SPRYD4: variants seen among roughly 807,000 people sequenced by gnomAD.
The protein encoded by SPRYD4 is SPRY domain containing 4.
SPRYD4 carries 12 observed loss-of-function variants against 16.6 expected under a neutral mutation model. The observed-to-expected ratio is 0.72, with a 90% CI of 0.46 to 1.17. SPRYD4 has a LOEUF of 1.17. Ranked by LOEUF, SPRYD4 falls within the 50% of genes most tolerant of loss-of-function variation. The pLI is 0.00. For synonymous variants in SPRYD4, 98 were observed against 105.4 expected, an observed-to-expected ratio of 0.93 and a Z score of 0.43; for missense variants, 260 against 260.2, an observed-to-expected ratio of 1.00 and a Z score of 0.00.
At chr12:56,468,906 C>T (rs1220190808) in intron 1 of SPRYD4, 133 bp from the exon 2 acceptor site, 36 of 1,255,480 alleles carry the variant, frequency 2.9e-5, no homozygotes, top group Non-Finnish European at 3.9e-5. Flanking sequence ...CCTCGCGACT[C>T]TCTTGCCCGC....
In SPRYD4 at chr12:56,474,483, C is replaced by CA; in HGVS notation, c.*4907dup. On this transcript the variant is annotated 3_prime_UTR_variant, in exon 2 of 2. Coordinates refer to ENST00000338146, the MANE Select transcript of SPRYD4 (RefSeq NM_207344.4). The stretch of plus-strand genomic sequence containing the variant: ...GCTTCCACCTCTATCTTGAGAGAGT[C>CA]AGTGTTCTCTCTTCTTAGCACTGGG... 6.3e-7 allele frequency: 1 copy of CA among 1,585,290 alleles called. No individual in the cohort carries two copies. The highest frequency in any genetic ancestry group is 8.6e-7 in the Non-Finnish European group (1 of 1,160,816).
rs1869724577 is a variant in SPRYD4 at position 56,475,504 on chromosome 12, A to G, written c.*5927A>G. On this transcript the variant is annotated 3_prime_UTR_variant, in exon 2 of 2. Transcript: ENST00000338146. The stretch of plus-strand genomic sequence containing the variant: ...GGGACTCAGAGGAAGCTGGAGGGCC[A>G]AAGTTCCCCTGGGATTTCTTCCTCC... The G allele has an allele frequency of 1.9e-6, 2 of 1,067,318 alleles. No individual in the cohort carries two copies. The highest frequency in any genetic ancestry group is 2.1e-4 in the Middle Eastern group (1 of 4,836). 66.1% of individuals were successfully genotyped at this position (1,067,318 alleles called of 1,614,324 possible). A position where few individuals can be genotyped will look rare whatever the true frequency, so the allele number is the denominator to read the frequency against.
rs919959958 is a variant in SPRYD4, at chr12:56,470,811, G to C, written c.*1234G>C. The C allele has an allele frequency of 2.0e-5, 3 of 151,914 alleles. No homozygotes were observed. The highest frequency in any genetic ancestry group is 4.4e-5 in the Non-Finnish European group (3 of 68,100). The allele number at this position is 151,914 out of a possible 1,614,324, so 9.4% of individuals were successfully genotyped here. A position where few individuals can be genotyped will look rare whatever the true frequency, so the allele number is the denominator to read the frequency against. On this transcript the variant is annotated 3_prime_UTR_variant, in exon 2 of 2. Coordinates refer to ENST00000338146, the MANE Select transcript of SPRYD4 (RefSeq NM_207344.4). ...ATTTGGAGTTGAGAAAAACCTGGTG[G>C]GGTAAGTGAATATGTACTGTTTGGT...
At position 56,473,679 on chromosome 12, in the gene SPRYD4, T is replaced by C; in HGVS notation, c.*4102T>C. On this transcript the variant is annotated 3_prime_UTR_variant, in exon 2 of 2. Transcript: ENST00000338146. Reference sequence around the variant, plus strand: ...AAGTTAGGCTGTACTCTTAACAAGTTTACAAATGACTGCATGACCACAATC... The same window carrying C: ...AAGTTAGGCTGTACTCTTAACAAGTCTACAAATGACTGCATGACCACAATC... 6.7e-7 allele frequency: 1 copy of C among 1,492,592 alleles called. No individual in the cohort carries two copies. The highest frequency in any genetic ancestry group is 2.3e-5 in the East Asian group (1 of 42,878). 92.5% of individuals were successfully genotyped at this position (1,492,592 alleles called of 1,614,324 possible). A position where few individuals can be genotyped will look rare whatever the true frequency, so the allele number is the denominator to read the frequency against.
rs758972276 is a variant in SPRYD4 at position 56,474,544 on chromosome 12, G to A, written c.*4967G>A. ...ATGGATAGCAGAGCCAGAAACTCAC[G>A]TGGAAGGCAAACTGGCCAGAGAAGT... On this transcript the variant is annotated 3_prime_UTR_variant, in exon 2 of 2. Coordinates refer to ENST00000338146, the MANE Select transcript of SPRYD4 (RefSeq NM_207344.4). 9 of 1,613,694 alleles carry A rather than the reference G, an allele frequency of 5.6e-6. No homozygotes were observed. Among genetic ancestry groups the A allele is most frequent in the Admixed American group, 5.0e-5 (3 of 60,014 alleles).
In SPRYD4 at chr12:56,474,775, C is replaced by G; in HGVS notation, c.*5198C>G. Reference sequence around the variant, plus strand: ...GACGTGAACCTGCACATGGGACCCTCGGGTGTAGGGAAAGGGCAAGGGCAA... The same window carrying G: ...GACGTGAACCTGCACATGGGACCCTGGGGTGTAGGGAAAGGGCAAGGGCAA... On this transcript the variant is annotated 3_prime_UTR_variant, in exon 2 of 2. Coordinates refer to ENST00000338146, the MANE Select transcript of SPRYD4 (RefSeq NM_207344.4). 6.2e-7 allele frequency: 1 copy of G among 1,612,300 alleles called. No individual in the cohort carries two copies. Among genetic ancestry groups the G allele is most frequent in the Non-Finnish European group, 8.5e-7 (1 of 1,178,810 alleles).
rs1042993356 is a variant in SPRYD4 at position 56,476,133 on chromosome 12, C to A, written c.*6556C>A. On this transcript the variant is annotated 3_prime_UTR_variant, in exon 2 of 2. Transcript: ENST00000338146. The stretch of plus-strand genomic sequence containing the variant: ...CCCTTTTTTTATCCTTCTGAAAACA[C>A]CGCACTTCCATTGGCTCCTCTCTTT... 1.5e-6 allele frequency: 1 copy of A among 661,042 alleles called. No individual in the cohort carries two copies. Among genetic ancestry groups the A allele is most frequent in the South Asian group, 1.8e-5 (1 of 54,336 alleles). 40.9% of individuals were successfully genotyped at this position (661,042 alleles called of 1,614,324 possible).
rs1302580110 is a variant in SPRYD4, at chr12:56,472,843, G to T, written c.*3266G>T. On this transcript the variant is annotated 3_prime_UTR_variant, in exon 2 of 2. Transcript: ENST00000338146. ...CTCCTCCATGGATGCTTAGTCCAAG[G>T]GTATTGCTGAAGTGTTATGGAATGT... The T allele has an allele frequency of 9.6e-7, 1 of 1,040,748 alleles. No homozygotes were observed. Among genetic ancestry groups the T allele is most frequent in the Admixed American group, 1.7e-5 (1 of 57,242 alleles). The allele number at this position is 1,040,748 out of a possible 1,614,324, so 64.5% of individuals were successfully genotyped here. A position where few individuals can be genotyped will look rare whatever the true frequency, so the allele number is the denominator to read the frequency against.
At chr12:56,468,782 C>G (rs1369862280) in intron 1 of SPRYD4, 106 bp downstream of exon 1, 2 of 1,273,038 alleles carry the variant, frequency 1.6e-6, no homozygotes, top group Non-Finnish European at 2.2e-6. Flanking sequence ...CTTTTCCTTC[C>G]CCACCTGCCT....
chr12:56,477,882 T>G lies in SPRYD4; in HGVS notation c.*8305T>G. 2 of 1,582,372 alleles carry G rather than the reference T, an allele frequency of 1.3e-6. No individual in the cohort carries two copies. The highest frequency in any genetic ancestry group is 1.7e-6 in the Non-Finnish European group (2 of 1,161,842). On this transcript the variant is annotated 3_prime_UTR_variant, in exon 2 of 2. Coordinates refer to ENST00000338146, the MANE Select transcript of SPRYD4 (RefSeq NM_207344.4). ...AAAAGGCTGGGAGATGGGGTGGGGA[T>G]AAGGAGAAGGGGACAGCTGTAAGTA...
In SPRYD4 at chr12:56,479,269, T is replaced by G. The variant is rs764520029; in HGVS notation, c.*9692T>G. On this transcript the variant is annotated 3_prime_UTR_variant, in exon 2 of 2. Transcript: ENST00000338146. Reference sequence around the variant, plus strand: ...CCACGGAAATTGGGAATAAAGAAGGTTGAGTGGTCTTCAGGTTTGGGATCA... The same window carrying G: ...CCACGGAAATTGGGAATAAAGAAGGGTGAGTGGTCTTCAGGTTTGGGATCA... The G allele has an allele frequency of 6.6e-6, 10 of 1,522,612 alleles. No individual in the cohort carries two copies. Among genetic ancestry groups the G allele is most frequent in the African/African-American group, 1.4e-5 (1 of 72,858 alleles). The allele number at this position is 1,522,612 out of a possible 1,614,324, so 94.3% of individuals were successfully genotyped here.
Position 56,473,204 on chromosome 12 carries a change from C to A in SPRYD4, c.*3627C>A, listed in dbSNP as rs1171708433. Reference sequence around the variant, plus strand: ...GCACCTGGCCTTTGAAATATTCTTACAAGCCACCTGGAGTTTTCCTTACCC... The same window carrying A: ...GCACCTGGCCTTTGAAATATTCTTAAAAGCCACCTGGAGTTTTCCTTACCC... On this transcript the variant is annotated 3_prime_UTR_variant, in exon 2 of 2. Coordinates refer to ENST00000338146, the MANE Select transcript of SPRYD4 (RefSeq NM_207344.4). The A allele has an allele frequency of 2.5e-6, 4 of 1,609,006 alleles. No individual in the cohort carries two copies. The highest frequency in any genetic ancestry group is 3.4e-6 in the Non-Finnish European group (4 of 1,175,576).
chr12:56,474,565 G>T lies in SPRYD4; in HGVS notation c.*4988G>T. The T allele has an allele frequency of 6.2e-7, 1 of 1,614,102 alleles. No homozygotes were observed. Among genetic ancestry groups the T allele is most frequent in the Non-Finnish European group, 8.5e-7 (1 of 1,180,038 alleles). Reference sequence around the variant, plus strand: ...TCACGTGGAAGGCAAACTGGCCAGAGAAGTCATACATGCCGCAGGAATGCA... The same window carrying T: ...TCACGTGGAAGGCAAACTGGCCAGATAAGTCATACATGCCGCAGGAATGCA... On this transcript the variant is annotated 3_prime_UTR_variant, in exon 2 of 2. Transcript: ENST00000338146.
In SPRYD4 at chr12:56,479,283, G is replaced by T; in HGVS notation, c.*9706G>T. The T allele has an allele frequency of 6.9e-7, 1 of 1,453,252 alleles. No homozygotes were observed. The highest frequency in any genetic ancestry group is 2.4e-4 in the Middle Eastern group (1 of 4,124). 90.0% of individuals were successfully genotyped at this position (1,453,252 alleles called of 1,614,324 possible). A position where few individuals can be genotyped will look rare whatever the true frequency, so the allele number is the denominator to read the frequency against. Reference sequence around the variant, plus strand: ...AATAAAGAAGGTTGAGTGGTCTTCAGGTTTGGGATCAACAGCTCTGTTACC... The same window carrying T: ...AATAAAGAAGGTTGAGTGGTCTTCATGTTTGGGATCAACAGCTCTGTTACC... On this transcript the variant is annotated 3_prime_UTR_variant, in exon 2 of 2. Transcript: ENST00000338146.
Position 56,478,203 on chromosome 12 carries a change from C to G in SPRYD4, c.*8626C>G, listed in dbSNP as rs1184075256. ...CTCACCGTTGACCATCCACAGTGCACAGGGAGACACCCCACAGGTCTGGGT... is the reference window on the plus strand; with the variant it reads ...CTCACCGTTGACCATCCACAGTGCAGAGGGAGACACCCCACAGGTCTGGGT... On this transcript the variant is annotated 3_prime_UTR_variant, in exon 2 of 2. Transcript: ENST00000338146. 6.2e-7 allele frequency: 1 copy of G among 1,614,186 alleles called. No homozygotes were observed. The highest frequency in any genetic ancestry group is 8.5e-7 in the Non-Finnish European group (1 of 1,180,028).
chr12:56,472,629 T>A lies in SPRYD4; in HGVS notation c.*3052T>A. 2 of 1,453,456 alleles carry A rather than the reference T, an allele frequency of 1.4e-6. No homozygotes were observed. Among genetic ancestry groups the A allele is most frequent in the Non-Finnish European group, 1.9e-6 (2 of 1,035,062 alleles). 90.0% of individuals were successfully genotyped at this position (1,453,456 alleles called of 1,614,324 possible). ...CACTTAACTATTTTGTTACGCTGCCTCCTAGTAAAATCTCTGACCAGGAGT... is the reference window on the plus strand; with the variant it reads ...CACTTAACTATTTTGTTACGCTGCCACCTAGTAAAATCTCTGACCAGGAGT... On this transcript the variant is annotated 3_prime_UTR_variant, in exon 2 of 2. Coordinates refer to ENST00000338146, the MANE Select transcript of SPRYD4 (RefSeq NM_207344.4).
At position 56,469,647 on chromosome 12, in the gene SPRYD4, T is replaced by C; in HGVS notation, c.*70T>C. The C allele has an allele frequency of 6.8e-7, 1 of 1,472,468 alleles. No homozygotes were observed. Among genetic ancestry groups the C allele is most frequent in the East Asian group, 2.4e-5 (1 of 41,140 alleles). 91.2% of individuals were successfully genotyped at this position (1,472,468 alleles called of 1,614,324 possible). On this transcript the variant is annotated 3_prime_UTR_variant, in exon 2 of 2. Transcript: ENST00000338146. ...CTTTTGAAAGTGTCCGAAGCCTTTTTACTTTGCCTCAAGCAACCTCTAGCT... is the reference window on the plus strand; with the variant it reads ...CTTTTGAAAGTGTCCGAAGCCTTTTCACTTTGCCTCAAGCAACCTCTAGCT...
chr12:56,472,523 A>T lies in SPRYD4; in HGVS notation c.*2946A>T. On this transcript the variant is annotated 3_prime_UTR_variant, in exon 2 of 2. Coordinates refer to ENST00000338146, the MANE Select transcript of SPRYD4 (RefSeq NM_207344.4). ...TTAATTATCATAGAGCAGACAGTTT[A>T]CTTTTTTTAAAAAAAATCTCCTTTT... The T allele has an allele frequency of 3.1e-6, 2 of 639,574 alleles. No individual in the cohort carries two copies. The highest frequency in any genetic ancestry group is 5.5e-6 in the Non-Finnish European group (2 of 366,834). The allele number at this position is 639,574 out of a possible 1,614,324, so 39.6% of individuals were successfully genotyped here.
In SPRYD4 at chr12:56,473,578, T is replaced by A. The variant is rs1182210059; in HGVS notation, c.*4001T>A. The A allele has an allele frequency of 1.2e-6, 2 of 1,611,020 alleles. No homozygotes were observed. The highest frequency in any genetic ancestry group is 1.3e-5 in the African/African-American group (1 of 74,836). ...GAGGATGGCTCCTGATACAGCTGAC[T>A]TGGCTGGCAGGCCCACCTGGGGAAC... On this transcript the variant is annotated 3_prime_UTR_variant, in exon 2 of 2. Transcript: ENST00000338146.
Sources: allele counts gnomAD v4.1 joint callset, GRCh38; gene constraint gnomAD v4.1.1; transcripts MANE v1.5; gene names NCBI Gene and HGNC (gene_info 2026-07-23, HGNC 2026-07-21).